Variants in SBF2 observed in about 807,000 individuals in gnomAD.
SBF2 encodes the protein myotubularin-related protein 13.
A neutral mutation model predicts 225.2 loss-of-function variants in SBF2; 112 were observed. The observed-to-expected ratio is 0.50, with a 90% CI of 0.43 to 0.58. The LOEUF is 0.58. Ranked by LOEUF, SBF2 falls within the 20% of genes least tolerant of loss-of-function variation. The pLI is 0.00. For synonymous variants in SBF2, 763 were observed against 773.3 expected (o/e 0.99, Z 0.22); for missense variants, 1,996 against 2,206.2 (o/e 0.90, Z 1.91).
intron 30 of SBF2, chr11:9,811,444 G>A (rs1309789897): frequency 6.6e-6 from 1 of 152,194 alleles, no homozygotes; most frequent in African/African-American, 2.4e-5. Context: ...TTTTGGTACA[G>A]GTCCACTTTC....
chr11:10,068,505 C>G (rs1442378892), intron 2 of SBF2, among the ~76,000 whole-genome samples: 1 of 152,176 alleles, frequency 6.6e-6, no homozygotes, highest in African/African-American at 2.4e-5. Context: ...GAATAAAAGA[C>G]ATATTCAAAT....
rs148124939 is a variant in SBF2, at chr11:9,805,549, T to C, written c.4443+2451A>G. 1.4e-4 allele frequency among the ~76,000 whole-genome samples: 21 copies of C among 152,284 alleles called. No homozygotes were observed. The East Asian group carries it at 4.1e-3, about 29-fold the overall frequency. On this transcript the variant is annotated intron_variant, in intron 32 of 39. Transcript: ENST00000256190. ...TTTGTTTGTTTGCTTTGAAGACTTT[T>C]GTGGAGGGGAATAAAAGGATTGTAT... is the stretch of plus-strand genomic sequence containing the variant.
At chr11:10,081,221 G>GT (rs1357640775) in intron 2 of SBF2, among the ~76,000 whole-genome samples, 1 of 152,208 alleles carries the variant, frequency 6.6e-6, no homozygotes, top group East Asian at 1.9e-4. Context: ...ATCATACCAA[G>GT]TATCTTCTTG....
intron 1 of SBF2, among the ~76,000 whole-genome samples, chr11:10,221,523 T>C (rs1273180855): frequency 6.6e-6 from 1 of 152,118 alleles, no homozygotes; most frequent in Non-Finnish European, 1.5e-5. Context: ...ATCATACAGC[T>C]ACAAAGCTAG....
chr11:10,117,355 T>A (rs1385144665), intron 2 of SBF2, among the ~76,000 whole-genome samples: 1 of 148,240 alleles, frequency 6.7e-6, no homozygotes, highest in African/African-American at 2.5e-5. Flanking sequence ...GCAGGAGAAC[T>A]GCTTGAACCC....
chr11:9,974,324 T>A (rs1946580365), intron 13 of SBF2, among the ~76,000 whole-genome samples: 1 of 152,140 alleles, frequency 6.6e-6, no homozygotes, highest in South Asian at 2.1e-4. Flanking sequence ...TTGTGTATTG[T>A]AAGATGTTTA....
intron 17 of SBF2, among the ~76,000 whole-genome samples, chr11:9,877,435 T>C (rs1444113678): frequency 2.0e-5 from 3 of 152,184 alleles, no homozygotes; most frequent in African/African-American, 7.2e-5. Flanking sequence ...CTAGGGTACA[T>C]GTGCACAATG....
At chr11:9,989,638 T>C (rs779196141) in intron 12 of SBF2, 43 bp from the exon 13 acceptor site, 3 of 1,163,922 alleles carry the variant, frequency 2.6e-6, no homozygotes, top group Admixed American at 3.7e-5. Context: ...TTCCAAAATA[T>C]GCCAAATTCA....
At chr11:10,180,119 CTATT>C (rs1400350833) in intron 2 of SBF2, among the ~76,000 whole-genome samples, 1 of 152,006 alleles carries the variant, frequency 6.6e-6, no homozygotes, top group African/African-American at 2.4e-5. Flanking sequence ...TTTAGTCTTT[CTATT>C]TAAGAGGAGT....
chr11:10,276,036 T>C (rs1360466154), intron 1 of SBF2, among the ~76,000 whole-genome samples: 1 of 152,214 alleles, frequency 6.6e-6, no homozygotes. Flanking sequence ...TTTCTGAGAA[T>C]GATCTTTTAA....
At chr11:9,808,331 A>G (rs1213195985) in intron 31 of SBF2, 146 bp from the exon 32 acceptor site, 2 of 696,398 alleles carry the variant, frequency 2.9e-6, no homozygotes, top group East Asian at 5.4e-5. Context: ...AGGATGGCCA[A>G]TAAAATTAAT....
At chr11:10,169,896 C>T (rs1270818863) in intron 2 of SBF2, among the ~76,000 whole-genome samples, 1 of 152,112 alleles carries the variant, frequency 6.6e-6, no homozygotes, top group Non-Finnish European at 1.5e-5. Context: ...GATGGTATCT[C>T]GTTGTAGTTT....
chr11:10,195,536 C>T (rs1182039465), intron 1 of SBF2, among the ~76,000 whole-genome samples: 1 of 152,156 alleles, frequency 6.6e-6, no homozygotes, highest in African/African-American at 2.4e-5. Flanking sequence ...GTATACCTAA[C>T]TTGAGGAAGT....
chr11:10,019,656 T>C (rs1052003892), intron 6 of SBF2, among the ~76,000 whole-genome samples: 23 of 150,958 alleles, frequency 1.5e-4, no homozygotes, highest in African/African-American at 4.8e-4. Flanking sequence ...AGGTCAAACA[T>C]TGAAAAAAAA....
intron 2 of SBF2, among the ~76,000 whole-genome samples, chr11:10,048,866 G>C (rs553076556): frequency 1.3e-5 from 2 of 152,166 alleles, no homozygotes; most frequent in South Asian, 4.1e-4. Flanking sequence ...TCCATTCAAA[G>C]TGCCCAGTAG....
chr11:10,046,629 T>C (rs753125199), intron 2 of SBF2, among the ~76,000 whole-genome samples: 14 of 151,026 alleles, frequency 9.3e-5, no homozygotes, highest in Non-Finnish European at 2.1e-4. Context: ...TGATAAAGAA[T>C]ATCTTTTAAA....
At chr11:9,981,914 C>G (rs1158804390) in intron 13 of SBF2, among the ~76,000 whole-genome samples, 1 of 152,156 alleles carries the variant, frequency 6.6e-6, no homozygotes, top group African/African-American at 2.4e-5. Flanking sequence ...CCCTGGAGGA[C>G]TATAGTTCCG....
chr11:10,192,802 C>A (rs1957224149), intron 2 of SBF2, among the ~76,000 whole-genome samples: 1 of 152,174 alleles, frequency 6.6e-6, no homozygotes, highest in Non-Finnish European at 1.5e-5. Context: ...CTCAACAGGA[C>A]TGCTTTGAAG....
At chr11:9,875,553 T>C (rs1859157405) in intron 17 of SBF2, among the ~76,000 whole-genome samples, 1 of 152,242 alleles carries the variant, frequency 6.6e-6, no homozygotes, top group Admixed American at 6.5e-5. Flanking sequence ...GGATTAAGTT[T>C]CCATAACAGG....
Sources: gnomAD v4.1 joint callset for allele counts (sites outside exome capture counted in the v4.1 genomes callset) on GRCh38, gnomAD v4.1.1 for gene constraint, MANE v1.5 for transcripts, NCBI Gene and HGNC (gene_info 2026-07-23, HGNC 2026-07-21) for gene names.